Variants in DGKB observed in about 807,000 individuals in gnomAD.
DGKB encodes 90 kDa diacylglycerol kinase.
DGKB carries 67 observed loss-of-function variants against 114.3 expected under a neutral mutation model. That is an observed-to-expected ratio of 0.59 (90% CI 0.48 to 0.72). The LOEUF is 0.72. DGKB is among the 30% of genes least tolerant of loss of function. The probability of loss-of-function intolerance (pLI) is 0.00; values close to 1 mark genes in which losing one functional copy is unlikely to be tolerated. For synonymous variants in DGKB, 398 were observed against 323.1 expected, an observed-to-expected ratio of 1.23 and a Z score of -2.49; for missense variants, 907 against 975.2, an observed-to-expected ratio of 0.93 and a Z score of 0.93.
chr7:14,496,729 A>G (rs796251516), intron 20 of DGKB, among the ~76,000 whole-genome samples: 18 of 151,950 alleles, frequency 1.2e-4, no homozygotes, highest in African/African-American at 4.1e-4. Context: ...AAAGTTTTTG[A>G]AAACAGAAGC....
intron 6 of DGKB, among the ~76,000 whole-genome samples, chr7:14,704,004 C>A (rs796816170): frequency 6.6e-6 from 1 of 151,966 alleles, no homozygotes; most frequent in Admixed American, 6.6e-5. Context: ...ACCTCTAAAT[C>A]GAAAAATAGA....
intron 20 of DGKB, among the ~76,000 whole-genome samples, chr7:14,523,257 T>C (rs1296221731): frequency 6.6e-6 from 1 of 152,204 alleles, no homozygotes; most frequent in Admixed American, 6.5e-5. Context: ...CCACTTTATT[T>C]TGACACCATC....
intron 20 of DGKB, among the ~76,000 whole-genome samples, chr7:14,490,244 G>A (rs916927492): frequency 1.3e-5 from 2 of 152,068 alleles, no homozygotes; most frequent in Non-Finnish European, 2.9e-5. Flanking sequence ...ATAGCACATA[G>A]TTACATAGTC....
intron 12 of DGKB, among the ~76,000 whole-genome samples, chr7:14,675,926 C>A (rs1819776843): frequency 6.6e-6 from 1 of 151,982 alleles, no homozygotes; most frequent in African/African-American, 2.4e-5. Flanking sequence ...GAGTACGGAT[C>A]ATTTTACAAG....
intron 1 of DGKB, among the ~76,000 whole-genome samples, chr7:14,951,462 C>T (rs1369088292): frequency 6.6e-6 from 1 of 151,894 alleles, no homozygotes; most frequent in African/African-American, 2.4e-5. Flanking sequence ...GCTATGAAGA[C>T]AGTAAAAACA....
chr7:14,357,807 C>T (rs938191901), intron 21 of DGKB, among the ~76,000 whole-genome samples: 1 of 152,168 alleles, frequency 6.6e-6, no homozygotes, highest in Admixed American at 6.5e-5. Flanking sequence ...GGCAAAATCT[C>T]TCAGCATTTG....
intron 20 of DGKB, among the ~76,000 whole-genome samples, chr7:14,528,445 G>C (rs1157949827): frequency 6.6e-6 from 1 of 152,042 alleles, no homozygotes; most frequent in Non-Finnish European, 1.5e-5. Context: ...GGGTGACTAT[G>C]TAATCAAAGA....
At position 14,742,039 on chromosome 7, in the gene DGKB, C is replaced by A. The variant is rs1291857886; in HGVS notation, c.169-5845G>T. On this transcript the variant is annotated intron_variant, in intron 4 of 25. Transcript: ENST00000402815. ...CCACTCTTAATGAACTCATGAGAGA[C>A]CCTAAGATAATTTCTGATGAACAGA... Among the ~76,000 whole-genome samples, 5 of 152,144 alleles carry A rather than the reference C, an allele frequency of 3.3e-5. No individual in the cohort carries two copies. In the East Asian group the frequency reaches 9.7e-4, roughly 29 times the overall value.
At chr7:14,795,277 A>G (rs1841249419) in intron 2 of DGKB, among the ~76,000 whole-genome samples, 1 of 152,254 alleles carries the variant, frequency 6.6e-6, no homozygotes, top group Non-Finnish European at 1.5e-5. Context: ...AAGGTTCTGC[A>G]TTAAATGTTG....
chr7:14,876,613 A>T (rs141998302), intron 1 of DGKB, among the ~76,000 whole-genome samples: 1 of 152,130 alleles, frequency 6.6e-6, no homozygotes, highest in Non-Finnish European at 1.5e-5. Flanking sequence ...CTATGGTGTA[A>T]GTTTTATATT....
intron 21 of DGKB, among the ~76,000 whole-genome samples, chr7:14,472,996 T>A (rs1362508578): frequency 6.6e-6 from 1 of 152,030 alleles, no homozygotes; most frequent in Non-Finnish European, 1.5e-5. Context: ...AGCCTGGCAA[T>A]GCTATAGAAA....
At chr7:14,748,941 A>G (rs1833745374) in intron 4 of DGKB, among the ~76,000 whole-genome samples, 1 of 152,196 alleles carries the variant, frequency 6.6e-6, no homozygotes, top group Non-Finnish European at 1.5e-5. Context: ...CTATATGTGT[A>G]AAATACTATG....
intron 4 of DGKB, among the ~76,000 whole-genome samples, chr7:14,751,135 A>G (rs1291603452): frequency 6.6e-6 from 1 of 152,132 alleles, no homozygotes; most frequent in Non-Finnish European, 1.5e-5. Flanking sequence ...TCTAATGATG[A>G]AAAAGCACAA....
intron 21 of DGKB, among the ~76,000 whole-genome samples, chr7:14,393,646 A>C (rs1187505598): frequency 1.3e-5 from 2 of 152,156 alleles, no homozygotes; most frequent in African/African-American, 4.8e-5. Context: ...TTACATTGCT[A>C]ATTTAGCTGA....
chr7:14,188,599 G>A (rs1464365011), intron 23 of DGKB, among the ~76,000 whole-genome samples: 1 of 137,668 alleles, frequency 7.3e-6, no homozygotes, highest in African/African-American at 2.8e-5. Context: ...GGCGGAGCTT[G>A]CAGTGAGCCT....
intron 20 of DGKB, among the ~76,000 whole-genome samples, chr7:14,503,413 T>C (rs1786514675): frequency 1.3e-5 from 2 of 152,200 alleles, no homozygotes; most frequent in Admixed American, 1.3e-4. Flanking sequence ...TAACACTGCA[T>C]GAATTACTTC....
At chr7:14,629,487 T>G (rs895950577) in intron 14 of DGKB, among the ~76,000 whole-genome samples, 2 of 152,020 alleles carry the variant, frequency 1.3e-5, no homozygotes, top group African/African-American at 4.8e-5. Context: ...AAATTCATAA[T>G]CTTATGTAGC....
chr7:14,838,962 C>T (rs1448995036), intron 2 of DGKB, among the ~76,000 whole-genome samples: 1 of 152,052 alleles, frequency 6.6e-6, no homozygotes, highest in Non-Finnish European at 1.5e-5. Flanking sequence ...TGTCATTTAC[C>T]TTAAACCTAA....
Position 14,392,998 on chromosome 7 carries a change from T to TTTGTTTTTTTTTTTTTTTTTTG in DGKB, c.1836-47608_1836-47607insCAAAAAAAAAAAAAAAAAACAA, listed in dbSNP as rs1563088705. 2.3e-5 allele frequency among the ~76,000 whole-genome samples: 2 copies of TTTGTTTTTTTTTTTTTTTTTTG among 88,766 alleles called. 1 individual carries two copies. Among genetic ancestry groups the TTTGTTTTTTTTTTTTTTTTTTG allele is most frequent in the Non-Finnish European group, 5.0e-5 (2 of 40,128 alleles). The allele number at this position is 88,766 out of a possible 152,430, so 58.2% of individuals were successfully genotyped here. A position where few individuals can be genotyped will look rare whatever the true frequency, so the allele number is the denominator to read the frequency against. ...AACAGACCTGTTTTTTGTTTTTGTT[T>TTTGTTTTTTTTTTTTTTTTTTG]TTTTTTTTTTGAGACGGAGTCTCGC... On this transcript the variant is annotated intron_variant, in intron 21 of 25. Transcript: ENST00000402815.
Sources: allele counts gnomAD v4.1 joint callset (sites outside exome capture counted in the v4.1 genomes callset), GRCh38; gene constraint gnomAD v4.1.1; transcripts MANE v1.5; gene names NCBI Gene and HGNC (gene_info 2026-07-23, HGNC 2026-07-21).